Variants in OR10G6 observed in about 807,000 individuals in gnomAD.
OR10G6 encodes the protein olfactory receptor 10G6.
rs758709736 is a variant in OR10G6, at chr11:123,995,073, A to C, written c.89T>G (p.Val30Gly). 4.0e-5 allele frequency: 16 copies of C among 398,956 alleles called. No homozygotes were observed. Among genetic ancestry groups the C allele is most frequent in the Middle Eastern group, 1.2e-3 (2 of 1,610 alleles). 24.7% of individuals were successfully genotyped at this position (398,956 alleles called of 1,614,324 possible). The change falls in exon 1 of 1, where the codon GTG (valine) becomes GGG (glycine). Residue 30 changes from valine to glycine, a missense_variant. Physicochemically the swap from Val to Gly is moderately radical, Grantham distance 109. Transcript: ENST00000307002. The stretch of plus-strand genomic sequence containing the variant: ...CAGGCCCACCAAAATGAAGTGAGAC[A>C]CAGAAGTCTGGTTTCCACTTTGCAG... ...KELQSGNQTSVSHFILVGLHH... is the reference protein window; with the variant it reads ...KELQSGNQTSGSHFILVGLHH...
At position 123,994,780 on chromosome 11, in the gene OR10G6, G is replaced by T. The variant is rs1863857515; in HGVS notation, c.382C>A (p.Leu128Met). The stretch of plus-strand genomic sequence containing the variant: ...TAAAGGAAGCACTCAGTACAGCCCA[G>T]GAAATGGAAAGAAAATAGTTGGATT... ...CVIQLFSFHF[L>M]GCTECFLYTL... The change falls in exon 1 of 1, where the codon CTG (leucine) becomes ATG (methionine). Residue 128 changes from leucine to methionine, a missense_variant. Transcript: ENST00000307002. The T allele has an allele frequency of 2.5e-6, 1 of 399,320 alleles. No individual in the cohort carries two copies. Among genetic ancestry groups the T allele is most frequent in the South Asian group, 1.3e-4 (1 of 7,852 alleles). The allele number at this position is 399,320 out of a possible 1,614,324, so 24.7% of individuals were successfully genotyped here.
At position 123,994,955 on chromosome 11, in the gene OR10G6, A is replaced by G. The variant is rs2095222409; in HGVS notation, c.207T>C (p.Thr69=). ...TVSGNGLIIL[T]VLVDIRLHRP... is the part of the protein sequence containing the mutation. Reference sequence around the variant, plus strand: ...GATGGAGCCGGATGTCCACTAAGACAGTGAGGATGATGAGCCCATTTCCAG... The same window carrying G: ...GATGGAGCCGGATGTCCACTAAGACGGTGAGGATGATGAGCCCATTTCCAG... Residue 69 remains threonine (T), a synonymous_variant, in exon 1 of 1, where the codon ACT becomes ACC. Transcript: ENST00000307002. 2.5e-6 allele frequency: 1 copy of G among 399,298 alleles called. No homozygotes were observed. Among genetic ancestry groups the G allele is most frequent in the Non-Finnish European group, 4.4e-6 (1 of 226,178 alleles). 24.7% of individuals were successfully genotyped at this position (399,298 alleles called of 1,614,324 possible).
Position 123,994,303 on chromosome 11 carries a change from C to T in OR10G6, c.859G>A (p.Glu287Lys). ...TFIYLRPCSQ[E>K]PLDGVVAVFY... The stretch of plus-strand genomic sequence containing the variant: ...ACAGCTACCACCCCATCCAGGGGCT[C>T]CTGTGAACAAGGCCGCAGGTAAATG... Residue 287 changes from glutamate to lysine, a missense_variant, in exon 1 of 1, where the codon GAG (glutamate) becomes AAG (lysine). Coordinates refer to ENST00000307002, the MANE Select transcript of OR10G6 (RefSeq NM_001355219.1). 2.5e-6 allele frequency: 1 copy of T among 399,398 alleles called. No individual in the cohort carries two copies. The highest frequency in any genetic ancestry group is 4.4e-6 in the Non-Finnish European group (1 of 226,276). 24.7% of individuals were successfully genotyped at this position (399,398 alleles called of 1,614,324 possible). A position where few individuals can be genotyped will look rare whatever the true frequency, so the allele number is the denominator to read the frequency against.
Position 123,995,102 on chromosome 11 carries a change from C to T in OR10G6, c.60G>A (p.Lys20=). 1 of 399,056 alleles carries T rather than the reference C, an allele frequency of 2.5e-6. No homozygotes were observed. Among genetic ancestry groups the T allele is most frequent in the Non-Finnish European group, 4.4e-6 (1 of 226,092 alleles). 24.7% of individuals were successfully genotyped at this position (399,056 alleles called of 1,614,324 possible). Residue 20 remains lysine (K), a synonymous_variant, in exon 1 of 1, where the codon AAG becomes AAA. Coordinates refer to ENST00000307002, the MANE Select transcript of OR10G6 (RefSeq NM_001355219.1). ...LLLLLTDVNS[K]ELQSGNQTSV... ...AAGTCTGGTTTCCACTTTGCAGTTCCTTGCTGTTCACATCTGTCAAAAGAA... is the reference window on the plus strand; with the variant it reads ...AAGTCTGGTTTCCACTTTGCAGTTCTTTGCTGTTCACATCTGTCAAAAGAA...
Position 123,994,237 on chromosome 11 carries a change from AGAT to A in OR10G6, c.922_924del (p.Ile308del), listed in dbSNP as rs1863852299. On this transcript the variant is annotated inframe_deletion, in exon 1 of 1. Transcript: ENST00000307002. ...TTCATTTCTTTGTTGCACAGTGTGTAGATGATGGAGTTAAGCAAGGGAGTGATG... is the reference window on the plus strand; with the variant it reads ...TTCATTTCTTTGTTGCACAGTGTGTAGATGGAGTTAAGCAAGGGAGTGATG... The A allele has an allele frequency of 1.0e-5, 4 of 399,122 alleles. No homozygotes were observed. In the East Asian group the frequency reaches 1.4e-4, roughly 14 times the overall value. 24.7% of individuals were successfully genotyped at this position (399,122 alleles called of 1,614,324 possible). A position where few individuals can be genotyped will look rare whatever the true frequency, so the allele number is the denominator to read the frequency against.
Position 123,994,670 on chromosome 11 carries a change from G to C in OR10G6, c.492C>G (p.Ser164=). 2.5e-6 allele frequency: 1 copy of C among 399,244 alleles called. No homozygotes were observed. Among genetic ancestry groups the C allele is most frequent in the Admixed American group, 4.4e-5 (1 of 22,734 alleles). 24.7% of individuals were successfully genotyped at this position (399,244 alleles called of 1,614,324 possible). A position where few individuals can be genotyped will look rare whatever the true frequency, so the allele number is the denominator to read the frequency against. Residue 164 remains serine (S), a synonymous_variant, in exon 1 of 1, where the codon TCC becomes TCG. Coordinates refer to ENST00000307002, the MANE Select transcript of OR10G6 (RefSeq NM_001355219.1). The part of the protein sequence containing the change: ...ATIMTHRVCN[S]LALGTWLGGT... Reference sequence around the variant, plus strand: ...CTCCCAGCCAGGTGCCTAAAGCCAGGGAGTTACAGACTCTGTGGGTCATGA... The same window carrying C: ...CTCCCAGCCAGGTGCCTAAAGCCAGCGAGTTACAGACTCTGTGGGTCATGA...
rs188589094 is a variant in OR10G6, at chr11:123,994,706, G to A, written c.456C>T (p.His152=). The A allele has an allele frequency of 1.4e-4, 56 of 399,306 alleles. No homozygotes were observed. Among genetic ancestry groups the A allele is most frequent in the African/African-American group, 1.1e-3 (53 of 48,754 alleles). 24.7% of individuals were successfully genotyped at this position (399,306 alleles called of 1,614,324 possible). The stretch of plus-strand genomic sequence containing the variant: ...CTCTGTGGGTCATGATGGTAGCATA[G>A]TGTAAGGGCTTACAAATGGCAAGGA... ...DRFLAICKPL[H]YATIMTHRVC... is the part of the protein sequence containing the mutation. Residue 152 remains histidine, a synonymous_variant, in exon 1 of 1, where the codon CAC becomes CAT. Transcript: ENST00000307002.
rs753943018 is a variant in OR10G6 at position 123,994,577 on chromosome 11, G to A, written c.585C>T (p.Val195=). The A allele has an allele frequency of 1.0e-5, 4 of 399,144 alleles. No individual in the cohort carries two copies. The highest frequency in any genetic ancestry group is 2.1e-5 in the African/African-American group (1 of 48,612). The allele number at this position is 399,144 out of a possible 1,614,324, so 24.7% of individuals were successfully genotyped here. A position where few individuals can be genotyped will look rare whatever the true frequency, so the allele number is the denominator to read the frequency against. The part of the protein sequence containing the change: ...FRLPFCGPNR[V]DYIFCDIPAM... ...CAGGAATGTCACAGAAGATGTAGTC[G>A]ACCCGATTGGGGCCACAGAAGGGCA... Residue 195 remains valine, a synonymous_variant, in exon 1 of 1, where the codon GTC becomes GTT. Transcript: ENST00000307002.
Position 123,995,105 on chromosome 11 carries a change from G to A in OR10G6, c.57C>T (p.Ser19=). ...TCTGGTTTCCACTTTGCAGTTCCTT[G>A]CTGTTCACATCTGTCAAAAGAAGTA... is the stretch of plus-strand genomic sequence containing the variant. The part of the protein sequence containing the change: ...LLLLLLTDVN[S]KELQSGNQTS... The change falls in exon 1 of 1, where the codon AGC becomes AGT. Residue 19 remains serine, a synonymous_variant. Transcript: ENST00000307002. The A allele has an allele frequency of 2.5e-6, 1 of 399,054 alleles. No homozygotes were observed. The highest frequency in any genetic ancestry group is 3.6e-5 in the East Asian group (1 of 28,066). The allele number at this position is 399,054 out of a possible 1,614,324, so 24.7% of individuals were successfully genotyped here. A position where few individuals can be genotyped will look rare whatever the true frequency, so the allele number is the denominator to read the frequency against.
chr11:123,995,096 C>T lies in OR10G6; in HGVS notation c.66G>A (p.Leu22=). 1 of 399,072 alleles carries T rather than the reference C, an allele frequency of 2.5e-6. No homozygotes were observed. The highest frequency in any genetic ancestry group is 3.6e-5 in the East Asian group (1 of 28,070). The allele number at this position is 399,072 out of a possible 1,614,324, so 24.7% of individuals were successfully genotyped here. The change falls in exon 1 of 1, where the codon CTG becomes CTA. Residue 22 remains leucine, a synonymous_variant. Transcript: ENST00000307002. ...LLLTDVNSKE[L]QSGNQTSVSH... Reference sequence around the variant, plus strand: ...ACACAGAAGTCTGGTTTCCACTTTGCAGTTCCTTGCTGTTCACATCTGTCA... The same window carrying T: ...ACACAGAAGTCTGGTTTCCACTTTGTAGTTCCTTGCTGTTCACATCTGTCA...
Position 123,994,638 on chromosome 11 carries a change from A to G in OR10G6, c.524T>C (p.Ile175Thr), listed in dbSNP as rs1364942768. ...LALGTWLGGT[I>T]HSLFQTSFVF... ...AAAACTTGTTTGGAAAAGTGAATGG[A>G]TAGTCCCTCCCAGCCAGGTGCCTAA... Residue 175 changes from isoleucine to threonine, a missense_variant, in exon 1 of 1, where the codon ATC becomes ACC. By Grantham distance (89) the Ile-to-Thr change is moderately conservative (BLOSUM62 -1). Coordinates refer to ENST00000307002, the MANE Select transcript of OR10G6 (RefSeq NM_001355219.1). 2.5e-6 allele frequency: 1 copy of G among 399,242 alleles called. No individual in the cohort carries two copies. The highest frequency in any genetic ancestry group is 3.6e-5 in the East Asian group (1 of 28,076). 24.7% of individuals were successfully genotyped at this position (399,242 alleles called of 1,614,324 possible).
In OR10G6 at chr11:123,994,759, G is replaced by A; in HGVS notation, c.403C>T (p.Leu135Phe). 5.0e-6 allele frequency: 2 copies of A among 399,528 alleles called. No homozygotes were observed. Among genetic ancestry groups the A allele is most frequent in the South Asian group, 1.3e-4 (1 of 7,856 alleles). The allele number at this position is 399,528 out of a possible 1,614,324, so 24.7% of individuals were successfully genotyped here. A position where few individuals can be genotyped will look rare whatever the true frequency, so the allele number is the denominator to read the frequency against. ...FHFLGCTECF[L>F]YTLMAYDRFL... ...CGGTCATAAGCCATGAGTGTGTAAA[G>A]GAAGCACTCAGTACAGCCCAGGAAA... is the stretch of plus-strand genomic sequence containing the variant. Residue 135 changes from leucine to phenylalanine, a missense_variant, in exon 1 of 1, where the codon CTT (leucine) becomes TTT (phenylalanine). Transcript: ENST00000307002.
Position 123,994,492 on chromosome 11 carries a change from T to C in OR10G6, c.670A>G (p.Ile224Val), listed in dbSNP as rs1591458519. Reference sequence around the variant, plus strand: ...AAGCAGGTGAGGGCCAGGAAGCCAATGTCTGCAAAGGTGACCAGCTCGTTG... The same window carrying C: ...AAGCAGGTGAGGGCCAGGAAGCCAACGTCTGCAAAGGTGACCAGCTCGTTG... ...AINELVTFADIGFLALTCFML... is the reference protein window; with the variant it reads ...AINELVTFADVGFLALTCFML... Residue 224 changes from isoleucine (I) to valine (V), a missense_variant, in exon 1 of 1, where the codon ATT (isoleucine) becomes GTT (valine). Ile to Val is a conservative substitution (Grantham distance 29). Transcript: ENST00000307002. 2.5e-6 allele frequency: 1 copy of C among 399,322 alleles called. No homozygotes were observed. 24.7% of individuals were successfully genotyped at this position (399,322 alleles called of 1,614,324 possible).
Position 123,994,605 on chromosome 11 carries a change from C to G in OR10G6, c.557G>C (p.Arg186Pro). The G allele has an allele frequency of 2.5e-6, 1 of 399,398 alleles. No individual in the cohort carries two copies. Among genetic ancestry groups the G allele is most frequent in the Middle Eastern group, 6.2e-4 (1 of 1,620 alleles). 24.7% of individuals were successfully genotyped at this position (399,398 alleles called of 1,614,324 possible). The stretch of plus-strand genomic sequence containing the variant: ...CCGATTGGGGCCACAGAAGGGCAGC[C>G]GGAATACAAAACTTGTTTGGAAAAG... ...HSLFQTSFVF[R>P]LPFCGPNRVD... Residue 186 changes from arginine to proline, a missense_variant, in exon 1 of 1, where the codon CGG becomes CCG. Arg to Pro is a moderately radical substitution (Grantham distance 103). Coordinates refer to ENST00000307002, the MANE Select transcript of OR10G6 (RefSeq NM_001355219.1).
chr11:123,994,452 G>A lies in OR10G6; in HGVS notation c.710C>T (p.Thr237Ile). 2.5e-6 allele frequency: 1 copy of A among 399,418 alleles called. No individual in the cohort carries two copies. The highest frequency in any genetic ancestry group is 4.4e-6 in the Non-Finnish European group (1 of 226,266). 24.7% of individuals were successfully genotyped at this position (399,418 alleles called of 1,614,324 possible). A position where few individuals can be genotyped will look rare whatever the true frequency, so the allele number is the denominator to read the frequency against. The stretch of plus-strand genomic sequence containing the variant: ...GGCAGCTACAATATAGCCATAGGAA[G>A]TGAGGATGAGCATGAAGCAGGTGAG... ...LALTCFMLIL[T>I]SYGYIVAAIL... The change falls in exon 1 of 1, where the codon ACT becomes ATT. Residue 237 changes from threonine to isoleucine, a missense_variant. Transcript: ENST00000307002.
At position 123,995,149 on chromosome 11, in the gene OR10G6, C is replaced by T. The variant is rs1316232013; in HGVS notation, c.13G>A (p.Val5Ile). The T allele has an allele frequency of 7.5e-6, 3 of 398,932 alleles. No individual in the cohort carries two copies. The highest frequency in any genetic ancestry group is 2.1e-5 in the African/African-American group (1 of 48,602). 24.7% of individuals were successfully genotyped at this position (398,932 alleles called of 1,614,324 possible). Residue 5 changes from valine (V) to isoleucine (I), a missense_variant, in exon 1 of 1, where the codon GTT (valine) becomes ATT (isoleucine). Transcript: ENST00000307002. MLEG[V>I]EHLLLLLLLT... ...AGAAGTAGCAGAAGGAGATGCTCAA[C>T]ACCCTCTAACATTTCTAGGCTCAGC...
Position 123,994,384 on chromosome 11 carries a change from A to C in OR10G6, c.778T>G (p.Ser260Ala). 1 of 399,442 alleles carries C rather than the reference A, an allele frequency of 2.5e-6. No homozygotes were observed. The allele number at this position is 399,442 out of a possible 1,614,324, so 24.7% of individuals were successfully genotyped here. A position where few individuals can be genotyped will look rare whatever the true frequency, so the allele number is the denominator to read the frequency against. ...PSADGRRNAF[S>A]TCAAHLTVVI... ...ACAGTGAGGTGGGCAGCACAAGTGG[A>C]GAAGGCATTGCGGCGCCCATCTGCT... is the stretch of plus-strand genomic sequence containing the variant. The change falls in exon 1 of 1, where the codon TCC (serine) becomes GCC (alanine). Residue 260 changes from serine to alanine, a missense_variant. By Grantham distance (99) the Ser-to-Ala change is moderately conservative. Coordinates refer to ENST00000307002, the MANE Select transcript of OR10G6 (RefSeq NM_001355219.1).
At position 123,994,237 on chromosome 11, in the gene OR10G6, A is replaced by G. The variant is rs1180043875; in HGVS notation, c.925T>C (p.Tyr309His). Reference protein sequence around the residue: ...VITPLLNSIIYTLCNKEMKAA... With the variant: ...VITPLLNSIIHTLCNKEMKAA... Reference sequence around the variant, plus strand: ...TTCATTTCTTTGTTGCACAGTGTGTAGATGATGGAGTTAAGCAAGGGAGTG... The same window carrying G: ...TTCATTTCTTTGTTGCACAGTGTGTGGATGATGGAGTTAAGCAAGGGAGTG... The change falls in exon 1 of 1, where the codon TAC becomes CAC. Residue 309 changes from tyrosine to histidine, a missense_variant. Coordinates refer to ENST00000307002, the MANE Select transcript of OR10G6 (RefSeq NM_001355219.1). 1.3e-5 allele frequency: 5 copies of G among 399,004 alleles called. No homozygotes were observed. Among genetic ancestry groups the G allele is most frequent in the Non-Finnish European group, 1.8e-5 (4 of 226,128 alleles). 24.7% of individuals were successfully genotyped at this position (399,004 alleles called of 1,614,324 possible).
In OR10G6 at chr11:123,994,511, C is replaced by T. The variant is rs2137541840; in HGVS notation, c.651G>A (p.Glu217=). ...RLACADTAIN[E]LVTFADIGFL... ...AGCCAATGTCTGCAAAGGTGACCAG[C>T]TCGTTGATGGCCGTATCGGCGCAGG... The change falls in exon 1 of 1, where the codon GAG becomes GAA. Residue 217 remains glutamate, a synonymous_variant. Coordinates refer to ENST00000307002, the MANE Select transcript of OR10G6 (RefSeq NM_001355219.1). 1 of 399,276 alleles carries T rather than the reference C, an allele frequency of 2.5e-6. No homozygotes were observed. The highest frequency in any genetic ancestry group is 1.3e-4 in the South Asian group (1 of 7,860). The allele number at this position is 399,276 out of a possible 1,614,324, so 24.7% of individuals were successfully genotyped here. A position where few individuals can be genotyped will look rare whatever the true frequency, so the allele number is the denominator to read the frequency against.
Sources: gnomAD v4.1 joint callset for allele counts on GRCh38, gnomAD v4.1.1 for gene constraint, MANE v1.5 for transcripts, NCBI Gene and HGNC (gene_info 2026-07-23, HGNC 2026-07-21) for gene names.